ARNT: variants seen among roughly 807,000 people sequenced by gnomAD.
ARNT encodes the protein class E basic helix-loop-helix protein 2.
In ARNT, 30 loss-of-function variants were observed where a neutral mutation model predicts 105.0. The ratio of observed to expected loss-of-function variants is 0.29; its 90% CI spans 0.21 to 0.39. ARNT has a LOEUF of 0.39. Ranked by LOEUF, ARNT falls within the 10% of genes least tolerant of loss-of-function variation. The pLI is 1.00. For missense variants in ARNT, 748 were observed against 978.7 expected (o/e 0.76, Z 3.15); for synonymous variants, 304 against 344.0 (o/e 0.88, Z 1.29).
intron 2 of ARNT, among the ~76,000 whole-genome samples, chr1:150,854,295 C>T (rs1046717915): frequency 1.3e-5 from 2 of 152,140 alleles, no homozygotes; most frequent in African/African-American, 4.8e-5. Flanking sequence ...TGGTTGCTCA[C>T]ACCTGTAGTC....
intron 1 of ARNT, among the ~76,000 whole-genome samples, chr1:150,865,436 G>A (rs587642538): frequency 6.6e-6 from 1 of 152,108 alleles, no homozygotes; most frequent in Non-Finnish European, 1.5e-5. Context: ...CTCAATTTAC[G>A]CTATGGAATT....
intron 3 of ARNT, among the ~76,000 whole-genome samples, chr1:150,849,371 G>C (rs7532045): frequency 6.6e-6 from 1 of 151,894 alleles, no homozygotes; most frequent in Admixed American, 6.6e-5. Context: ...AGCAGATTGC[G>C]GTCAAAGTTC....
rs1170407018 is a variant in ARNT at position 150,810,740 on chromosome 1, T to TG, written c.*1280dup. On this transcript the variant is annotated 3_prime_UTR_variant, in exon 22 of 22. Coordinates refer to ENST00000358595, the MANE Select transcript of ARNT (RefSeq NM_001668.4). ...TATATGGCTATTGTTAATTACCAAG[T>TG]GACCCTGTTGAGATGGGTGTCCAGG... 1.8e-5 allele frequency: 4 copies of TG among 221,244 alleles called. No homozygotes were observed. The highest frequency in any genetic ancestry group is 9.0e-5 in the African/African-American group (4 of 44,576). The allele number at this position is 221,244 out of a possible 1,614,324, so 13.7% of individuals were successfully genotyped here.
chr1:150,858,563 T>G (rs1054442263), intron 1 of ARNT, 103 bp from the exon 2 acceptor site: 30 of 906,242 alleles, frequency 3.3e-5, no homozygotes, highest in South Asian at 2.1e-4. Flanking sequence ...ATAGACAAAA[T>G]CTCAGCAGTT....
intron 3 of ARNT, among the ~76,000 whole-genome samples, chr1:150,850,162 C>T (rs958382589): frequency 3.3e-5 from 5 of 152,198 alleles, no homozygotes; most frequent in African/African-American, 4.8e-5. Context: ...CCGAGGAGGG[C>T]GGATCACGAG....
intron 17 of ARNT, 90 bp from the exon 18 acceptor site, chr1:150,816,980 A>AT: frequency 6.2e-7 from 1 of 1,603,600 alleles, no homozygotes; most frequent in East Asian, 2.2e-5. Context: ...TGGTATTATG[A>AT]TTAAGTGGAA....
At chr1:150,856,211 G>A (rs1024220268) in intron 2 of ARNT, among the ~76,000 whole-genome samples, 7 of 152,188 alleles carry the variant, frequency 4.6e-5, no homozygotes, top group South Asian at 4.1e-4. Flanking sequence ...AGGCCAAGGC[G>A]GGTGGATCAC....
intron 1 of ARNT, among the ~76,000 whole-genome samples, chr1:150,874,788 A>T (rs1668002279): frequency 6.6e-6 from 1 of 152,214 alleles, no homozygotes; most frequent in Admixed American, 6.5e-5. Context: ...TGCAGAAGCA[A>T]GCAGCCAAAG....
At chr1:150,872,953 C>A (rs939961444) in intron 1 of ARNT, among the ~76,000 whole-genome samples, 4 of 151,972 alleles carry the variant, frequency 2.6e-5, no homozygotes, top group South Asian at 2.1e-4. Context: ...CAGAGCAAGA[C>A]CCTCTCCTAT....
In ARNT at chr1:150,876,574, A is replaced by G; in HGVS notation, c.-7T>C. The G allele has an allele frequency of 6.5e-7, 1 of 1,538,348 alleles. No individual in the cohort carries two copies. Among genetic ancestry groups the G allele is most frequent in the Non-Finnish European group, 8.7e-7 (1 of 1,143,574 alleles). On this transcript the variant is annotated 5_prime_UTR_variant, in exon 1 of 22. Transcript: ENST00000358595. ...TGGCAGTAGTCGCCGCCATGGCCGC[A>G]GATGCCACCGCCGCCGCGCCACCCC...
At chr1:150,839,355 A>G in intron 6 of ARNT, 86 bp downstream of exon 6, 5 of 1,390,960 alleles carry the variant, frequency 3.6e-6, no homozygotes, top group East Asian at 2.3e-5. Flanking sequence ...TTCTTCCTGA[A>G]AAGCTGAATT....
At chr1:150,842,725 A>C (rs1388907857) in intron 4 of ARNT, among the ~76,000 whole-genome samples, 1 of 152,214 alleles carries the variant, frequency 6.6e-6, no homozygotes, top group Non-Finnish European at 1.5e-5. Context: ...AGTAACTTAC[A>C]AGATAAAGGT....
intron 13 of ARNT, among the ~76,000 whole-genome samples, chr1:150,824,208 C>CA (rs1471690231): frequency 9.3e-5 from 14 of 150,990 alleles, no homozygotes; most frequent in Middle Eastern, 3.5e-3. Flanking sequence ...AAAAAAATGG[C>CA]AAAAAATCAC....
intron 19 of ARNT, 104 bp from the exon 20 acceptor site, chr1:150,814,343 A>G: frequency 8.9e-7 from 1 of 1,117,500 alleles, no homozygotes; most frequent in South Asian, 1.6e-5. Context: ...ATCCTTCTGA[A>G]CCAAGCTCAT....
In ARNT at chr1:150,812,106, A is replaced by C; in HGVS notation, c.2285T>G (p.Met762Arg). 1 of 1,558,760 alleles carries C rather than the reference A, an allele frequency of 6.4e-7. No homozygotes were observed. The part of the protein sequence containing the change: ...QPGQPEVFQE[M>R]LSMLGDQSNS... ...GCTCTGATCTCCCAGCATGGACAGCATCTCCTGATAAAAGAAAAAGATTAA... is the reference window on the plus strand; with the variant it reads ...GCTCTGATCTCCCAGCATGGACAGCCTCTCCTGATAAAAGAAAAAGATTAA... The change falls in exon 22 of 22, where the codon ATG (methionine) becomes AGG (arginine). Residue 762 changes from methionine (M) to arginine (R), a missense_variant. Physicochemically the swap from Met to Arg is moderately conservative, Grantham distance 91. Around this residue, in one of 4 missense-constraint regions of ARNT, gnomAD observed 360 missense variants for 411.9 expected, o/e 0.87. Coordinates refer to ENST00000358595, the MANE Select transcript of ARNT (RefSeq NM_001668.4).
chr1:150,840,844 T>G (rs1661145841), intron 5 of ARNT, among the ~76,000 whole-genome samples: 1 of 152,162 alleles, frequency 6.6e-6, no homozygotes, highest in Non-Finnish European at 1.5e-5. Flanking sequence ...TAAAAGCCCA[T>G]TAAGTTTCTC....
At chr1:150,838,033 C>T (rs991594452) in intron 6 of ARNT, among the ~76,000 whole-genome samples, 1 of 152,136 alleles carries the variant, frequency 6.6e-6, no homozygotes, top group Admixed American at 6.5e-5. Context: ...ATTAAGTAGT[C>T]GCCCTGCTTT....
chr1:150,850,415 G>A (rs1416571534), intron 3 of ARNT, among the ~76,000 whole-genome samples: 2 of 152,220 alleles, frequency 1.3e-5, no homozygotes, highest in Non-Finnish European at 2.9e-5. Flanking sequence ...CCGAGTGCCT[G>A]CGATTGCAGT....
rs367909450 is a variant in ARNT at position 150,834,653 on chromosome 1, G to A, written c.701-13C>T. ...TCCAGGATACGCCCTGAAGGAAGAT[G>A]TGAAGAGCAGTCTGGAGTGCATTTT... On this transcript the variant is annotated splice_polypyrimidine_tract_variant and intron_variant, in intron 7 of 21. Transcript: ENST00000358595. The A allele has an allele frequency of 9.3e-6, 15 of 1,611,590 alleles. No individual in the cohort carries two copies. The highest frequency in any genetic ancestry group is 1.3e-5 in the Non-Finnish European group (15 of 1,177,988).
Sources: gnomAD v4.1 joint callset for allele counts (sites outside exome capture counted in the v4.1 genomes callset) on GRCh38, gnomAD v4.1.1 for gene constraint, gnomAD v4.1.1 regional missense constraint, MANE v1.5 for transcripts, NCBI Gene and HGNC (gene_info 2026-07-23, HGNC 2026-07-21) for gene names.